SGCD: variants seen among roughly 807,000 people sequenced by gnomAD.
The protein encoded by SGCD is delta-sarcoglycan.
In SGCD, 18 loss-of-function variants were observed where a neutral mutation model predicts 36.6. That is an observed-to-expected ratio of 0.49 (90% CI 0.34 to 0.73). SGCD has a LOEUF of 0.73. SGCD is among the 30% of genes least tolerant of loss of function. The pLI is 0.01. For missense variants in SGCD, 387 were observed against 346.7 expected (o/e 1.12, Z -0.92); for synonymous variants, 133 against 130.6 (o/e 1.02, Z -0.12).
intron 7 of SGCD, among the ~76,000 whole-genome samples, chr5:156,739,224 G>A (rs1441657990): frequency 6.6e-6 from 1 of 152,058 alleles, no homozygotes; most frequent in African/African-American, 2.4e-5. Flanking sequence ...ATACCAAGAA[G>A]GGAAAGAAAG....
intron 1 of SGCD, among the ~76,000 whole-genome samples, chr5:156,100,598 C>T (rs2127596575): frequency 6.6e-6 from 1 of 152,292 alleles, no homozygotes; most frequent in East Asian, 1.9e-4. Flanking sequence ...TCACTTTTCC[C>T]TATTGCAGTA....
intron 3 of SGCD, among the ~76,000 whole-genome samples, chr5:156,214,773 G>C (rs765718793): frequency 2.6e-5 from 4 of 152,042 alleles, no homozygotes; most frequent in Non-Finnish European, 4.4e-5. Context: ...GAATGGAATA[G>C]AGACTCCAGA....
At chr5:156,470,479 G>A (rs1192729448) in intron 3 of SGCD, among the ~76,000 whole-genome samples, 3 of 151,980 alleles carry the variant, frequency 2.0e-5, no homozygotes, top group Non-Finnish European at 4.4e-5. Context: ...ATCTCCTAAT[G>A]CTATCCCTCC....
chr5:156,220,748 C>G (rs1414966390), intron 3 of SGCD, among the ~76,000 whole-genome samples: 1 of 152,148 alleles, frequency 6.6e-6, no homozygotes, highest in Non-Finnish European at 1.5e-5. Flanking sequence ...CAGCCCCTCT[C>G]CCACCTTTTC....
intron 7 of SGCD, among the ~76,000 whole-genome samples, chr5:156,736,078 C>T (rs1028115979): frequency 7.2e-5 from 11 of 152,128 alleles, no homozygotes; most frequent in Admixed American, 2.6e-4. Context: ...CCCAGATGGG[C>T]CGTCGTCCTG....
At chr5:156,269,286 G>A (rs944632104) in intron 3 of SGCD, among the ~76,000 whole-genome samples, 5 of 151,622 alleles carry the variant, frequency 3.3e-5, no homozygotes, top group Admixed American at 6.6e-5. Flanking sequence ...TGGCTAACAT[G>A]GTGAAACCCT....
chr5:156,501,127 A>C (rs888529617), intron 3 of SGCD, among the ~76,000 whole-genome samples: 6 of 152,194 alleles, frequency 3.9e-5, no homozygotes, highest in African/African-American at 1.4e-4. Flanking sequence ...GGACACTGGC[A>C]GGAAAATGGT....
intron 3 of SGCD, among the ~76,000 whole-genome samples, chr5:156,317,877 G>A (rs1767560196): frequency 1.3e-5 from 2 of 152,250 alleles, no homozygotes; most frequent in South Asian, 4.2e-4. Context: ...CAACACCCAT[G>A]ATCTCTTATA....
intron 3 of SGCD, among the ~76,000 whole-genome samples, chr5:156,313,000 T>G (rs1006445324): frequency 6.6e-6 from 1 of 152,126 alleles, no homozygotes; most frequent in Admixed American, 6.6e-5. Context: ...ATATTTGTTT[T>G]GTTTTGTTTT....
chr5:156,432,069 G>C (rs1561691572), intron 3 of SGCD, among the ~76,000 whole-genome samples: 1 of 152,192 alleles, frequency 6.6e-6, no homozygotes, highest in East Asian at 1.9e-4. Flanking sequence ...GGGACTACGA[G>C]GCTCTGGGCC....
intron 4 of SGCD, among the ~76,000 whole-genome samples, chr5:156,526,807 G>A (rs545909542): frequency 3.3e-5 from 5 of 152,140 alleles, no homozygotes; most frequent in Admixed American, 1.3e-4. Flanking sequence ...CAGTTTATTC[G>A]GGAAAACAGA....
intron 3 of SGCD, among the ~76,000 whole-genome samples, chr5:156,259,385 A>G (rs1581201378): frequency 6.6e-6 from 1 of 151,862 alleles, no homozygotes; most frequent in Non-Finnish European, 1.5e-5. Context: ...AGCTATAAAT[A>G]TATATTTTTT....
chr5:156,137,960 A>T (rs192303735), intron 3 of SGCD, among the ~76,000 whole-genome samples: 1 of 152,310 alleles, frequency 6.6e-6, no homozygotes, highest in African/African-American at 2.4e-5. Context: ...CACATTTTAA[A>T]TGTGGGATCT....
chr5:156,323,047 C>A (rs972036602), upstream of SGCD, among the ~76,000 whole-genome samples: 3 of 152,210 alleles, frequency 2.0e-5, no homozygotes, highest in South Asian at 2.1e-4. Flanking sequence ...TTAAAAGCTA[C>A]CCCAGGTGAT....
intron 3 of SGCD, among the ~76,000 whole-genome samples, chr5:156,213,177 C>T (rs1216535774): frequency 1.3e-5 from 2 of 151,662 alleles, no homozygotes; most frequent in Non-Finnish European, 2.9e-5. Context: ...GAGATCGAGA[C>T]TAGAAAAACA....
chr5:156,547,144 A>G (rs144739864), intron 4 of SGCD, among the ~76,000 whole-genome samples: 343 of 152,292 alleles, frequency 2.3e-3, no homozygotes, highest in African/African-American at 8.2e-3. Flanking sequence ...TCATCCTTCC[A>G]GAATAAGTTT....
intron 3 of SGCD, among the ~76,000 whole-genome samples, chr5:156,372,788 T>C (rs1440132720): frequency 6.6e-6 from 1 of 152,214 alleles, no homozygotes; most frequent in East Asian, 1.9e-4. Context: ...TACTGATTCC[T>C]TTCAGCTTGC....
At chr5:156,263,922 G>T (rs1765934746) in intron 3 of SGCD, among the ~76,000 whole-genome samples, 1 of 151,896 alleles carries the variant, frequency 6.6e-6, no homozygotes, top group Admixed American at 6.6e-5. Flanking sequence ...GTTTATTTCT[G>T]GGTTCTCTAT....
chr5:156,598,272 A>G (rs1761018244), intron 6 of SGCD, among the ~76,000 whole-genome samples: 1 of 152,154 alleles, frequency 6.6e-6, no homozygotes, highest in African/African-American at 2.4e-5. Flanking sequence ...GGCCAGGCGC[A>G]GTGGCTCACA....
Sources: gnomAD v4.1 joint callset for allele counts (sites outside exome capture counted in the v4.1 genomes callset) on GRCh38, gnomAD v4.1.1 for gene constraint, MANE v1.5 for transcripts, NCBI Gene and HGNC (gene_info 2026-07-23, HGNC 2026-07-21) for gene names.